Variants in CASTOR2 observed in about 807,000 individuals in gnomAD.
CASTOR2 encodes GATS protein like 2.
CASTOR2 carries 8 observed loss-of-function variants against 31.2 expected under a neutral mutation model. That is an observed-to-expected ratio of 0.26 (90% confidence interval 0.15 to 0.46). The LOEUF is 0.46. CASTOR2 is among the 20% of genes least tolerant of loss of function. CASTOR2 has a pLI of 0.99. For synonymous variants in CASTOR2, 162 were observed against 158.7 expected (o/e 1.02, Z -0.16); for missense variants, 216 against 382.1 (o/e 0.57, Z 3.62).
rs1427664630 is a variant in CASTOR2 at position 75,027,198 on chromosome 7, A to G, written c.*2499A>G. 6.6e-6 allele frequency: 1 copy of G among 152,176 alleles called. No individual in the cohort carries two copies. The highest frequency in any genetic ancestry group is 1.5e-5 in the Non-Finnish European group (1 of 68,046). 9.4% of individuals were successfully genotyped at this position (152,176 alleles called of 1,614,324 possible). A position where few individuals can be genotyped will look rare whatever the true frequency, so the allele number is the denominator to read the frequency against. On this transcript the variant is annotated 3_prime_UTR_variant, in exon 9 of 9. Coordinates refer to ENST00000616305, the MANE Select transcript of CASTOR2 (RefSeq NM_001145064.3). ...AAGCCGATGGGTTCCCTCAGACCTGACTTGAGAGAACAAAGCCAGCAGCTC... is the reference window on the plus strand; with the variant it reads ...AAGCCGATGGGTTCCCTCAGACCTGGCTTGAGAGAACAAAGCCAGCAGCTC...
At chr7:74,991,666 G>A (rs1230769018) in intron 1 of CASTOR2, among the ~76,000 whole-genome samples, 58 of 152,248 alleles carry the variant, frequency 3.8e-4, no homozygotes, top group African/African-American at 1.2e-3. Context: ...GGTGTGGGTC[G>A]TGTTGAGGAG....
In CASTOR2 at chr7:75,017,591, C is replaced by T; in HGVS notation, c.185-7C>T. ...GTCACAGGACTGCCTTCTGTGTCTC[C>T]CTCCAGAGCTGCCCTCCTCGGAGCA... On this transcript the variant is annotated splice_polypyrimidine_tract_variant and splice_region_variant and intron_variant, in intron 2 of 8. Transcript: ENST00000616305. 1 of 1,613,686 alleles carries T rather than the reference C, an allele frequency of 6.2e-7. No individual in the cohort carries two copies. The highest frequency in any genetic ancestry group is 1.3e-5 in the African/African-American group (1 of 75,054).
chr7:75,009,560 G>T (rs782192860), intron 2 of CASTOR2, among the ~76,000 whole-genome samples: 1 of 151,954 alleles, frequency 6.6e-6, no homozygotes, highest in East Asian at 1.9e-4. Context: ...GAGCCACCGC[G>T]CCCGGCCCTG....
At chr7:74,994,468 C>T (rs112913973) in intron 1 of CASTOR2, among the ~76,000 whole-genome samples, 13 of 152,012 alleles carry the variant, frequency 8.6e-5, no homozygotes, top group African/African-American at 2.9e-4. Flanking sequence ...ATGAATCAAC[C>T]GCCCGGGTGT....
chr7:75,017,541 C>G, intron 2 of CASTOR2, 57 bp from the exon 3 acceptor site: 2 of 1,591,522 alleles, frequency 1.3e-6, no homozygotes, highest in Non-Finnish European at 8.6e-7. Context: ...CTTGCCCTGC[C>G]CTTGGGTCAT....
intron 1 of CASTOR2, among the ~76,000 whole-genome samples, chr7:74,990,716 G>A (rs1298738302): frequency 1.6e-4 from 25 of 151,912 alleles, no homozygotes; most frequent in Non-Finnish European, 2.9e-4. Flanking sequence ...TTAGCCAGGT[G>A]TGGTGGTGGG....
chr7:75,010,662 A>C (rs1390043164), intron 2 of CASTOR2, among the ~76,000 whole-genome samples: 3 of 152,104 alleles, frequency 2.0e-5, no homozygotes, highest in Non-Finnish European at 4.4e-5. Context: ...ACTGAGGAAC[A>C]CAGGGACCAC....
chr7:74,996,798 G>A (rs1368723604), intron 1 of CASTOR2, among the ~76,000 whole-genome samples: 2 of 121,374 alleles, frequency 1.6e-5, no homozygotes, highest in African/African-American at 3.1e-5. Context: ...GCGCGATCTC[G>A]GCTCACTGCA....
At chr7:75,006,731 C>A (rs1386768536) in intron 1 of CASTOR2, among the ~76,000 whole-genome samples, 1 of 152,076 alleles carries the variant, frequency 6.6e-6, no homozygotes, top group African/African-American at 2.4e-5. Flanking sequence ...ATAAGTCTCA[C>A]GAGATCTGAT....
intron 2 of CASTOR2, among the ~76,000 whole-genome samples, chr7:75,013,425 G>A (rs1804797076): frequency 6.6e-6 from 1 of 152,012 alleles, no homozygotes; most frequent in African/African-American, 2.4e-5. Flanking sequence ...CAGGTAGATC[G>A]CTTGAGCCCA....
chr7:74,982,536 C>G (rs1803970599), intron 1 of CASTOR2, among the ~76,000 whole-genome samples: 1 of 140,580 alleles, frequency 7.1e-6, no homozygotes, highest in Non-Finnish European at 1.5e-5. Flanking sequence ...GCAGCACAGT[C>G]AAGAATGAGG....
At chr7:74,989,672 T>A (rs1365762799) in intron 1 of CASTOR2, among the ~76,000 whole-genome samples, 3 of 149,916 alleles carry the variant, frequency 2.0e-5, no homozygotes, top group African/African-American at 4.9e-5. Context: ...CACCCCAGCC[T>A]CCCAGAATGT....
At position 75,018,070 on chromosome 7, in the gene CASTOR2, C is replaced by G. The variant is rs1804908115; in HGVS notation, c.459C>G (p.Thr153=). The part of the protein sequence containing the change: ...FTILRVVNGE[T]VAAENLGITN... Reference sequence around the variant, plus strand: ...TCCTGCGGGTCGTCAATGGCGAGACCGTGGCAGCCGAGAACCTCGGCATCA... The same window carrying G: ...TCCTGCGGGTCGTCAATGGCGAGACGGTGGCAGCCGAGAACCTCGGCATCA... The change falls in exon 4 of 9, where the codon ACC becomes ACG. Residue 153 remains threonine (T), a synonymous_variant. Transcript: ENST00000616305. The G allele has an allele frequency of 1.9e-6, 3 of 1,614,136 alleles. No individual in the cohort carries two copies. In the East Asian group the frequency reaches 6.7e-5, roughly 36 times the overall value.
intron 1 of CASTOR2, among the ~76,000 whole-genome samples, chr7:75,003,754 A>G (rs1270250609): frequency 1.3e-5 from 2 of 151,928 alleles, no homozygotes; most frequent in African/African-American, 4.8e-5. Context: ...ATCTCAAAAA[A>G]AAAACAGAAA....
chr7:75,008,342 G>C (rs1458493914), intron 2 of CASTOR2, among the ~76,000 whole-genome samples: 1 of 152,086 alleles, frequency 6.6e-6, no homozygotes, highest in African/African-American at 2.4e-5. Flanking sequence ...AAGTAGGTAC[G>C]GCGCTACCCA....
In CASTOR2 at chr7:74,997,524, C is replaced by T. The variant is rs1412769111; in HGVS notation, c.114-10470C>T. 2.0e-4 allele frequency among the ~76,000 whole-genome samples: 30 copies of T among 151,724 alleles called. No individual in the cohort carries two copies. The Middle Eastern group carries it at 0.01, about 52-fold the overall frequency. ...CACTGCAGCCTCGAACTCCCAGGTTCAAGCGATTCTTGTGCTTCAGCCCCC... is the reference window on the plus strand; with the variant it reads ...CACTGCAGCCTCGAACTCCCAGGTTTAAGCGATTCTTGTGCTTCAGCCCCC... On this transcript the variant is annotated intron_variant, in intron 1 of 8. Transcript: ENST00000616305.
At chr7:75,021,741 T>C in intron 6 of CASTOR2, 133 bp from the exon 7 acceptor site, 4 of 1,087,628 alleles carry the variant, frequency 3.7e-6, no homozygotes, top group Non-Finnish European at 5.5e-6. Flanking sequence ...AGGGATTGTT[T>C]TTGGGGGGCC....
At chr7:74,995,639 C>G (rs1437754231) in intron 1 of CASTOR2, among the ~76,000 whole-genome samples, 1 of 151,600 alleles carries the variant, frequency 6.6e-6, no homozygotes, top group Non-Finnish European at 1.5e-5. Flanking sequence ...AACCCTGTCT[C>G]TACTAAAAAT....
In CASTOR2 at chr7:75,028,106, A is replaced by G. The variant is rs1805188790; in HGVS notation, c.*3407A>G. 4.8e-6 allele frequency: 7 copies of G among 1,444,898 alleles called. No individual in the cohort carries two copies. In the South Asian group the frequency reaches 5.3e-5, roughly 11 times the overall value. 89.5% of individuals were successfully genotyped at this position (1,444,898 alleles called of 1,614,324 possible). A position where few individuals can be genotyped will look rare whatever the true frequency, so the allele number is the denominator to read the frequency against. On this transcript the variant is annotated 3_prime_UTR_variant, in exon 9 of 9. Coordinates refer to ENST00000616305, the MANE Select transcript of CASTOR2 (RefSeq NM_001145064.3). ...TGGCGGGGGAGGAAGAGGGCTCTCT[A>G]TGATGTGGAATTTTTTTTTTTTTTT...
Sources: allele counts gnomAD v4.1 joint callset (sites outside exome capture counted in the v4.1 genomes callset), GRCh38; gene constraint gnomAD v4.1.1; transcripts MANE v1.5; gene names NCBI Gene and HGNC (gene_info 2026-07-23, HGNC 2026-07-21).